MAGEB10: variants seen among roughly 807,000 people sequenced by gnomAD.
The protein encoded by MAGEB10 is MAGE family member B10, also known as melanoma-associated antigen B10.
For synonymous variants in MAGEB10, 99 were observed against 101.0 expected (o/e 0.98, Z 0.12); for missense variants, 190 against 261.9 (o/e 0.73, Z 1.89).
At chrX:27,819,534 G>A (rs1002387049) in intron 2 of MAGEB10, among the ~76,000 whole-genome samples, 5 of 111,290 alleles carry the variant, frequency 4.5e-5, no homozygotes, top group African/African-American at 1.6e-4. Context: ...AAGAGAGAAG[G>A]ACCAACAGAA....
At chrX:27,820,768 A>G (rs1043051433) in intron 2 of MAGEB10, among the ~76,000 whole-genome samples, 1 of 111,109 alleles carries the variant, frequency 9.0e-6, no homozygotes, top group African/African-American at 3.3e-5. Flanking sequence ...TGAGAACACT[A>G]AGGATCCCAG....
At chrX:27,813,469 C>CTGA (rs1923728566) in intron 1 of MAGEB10, among the ~76,000 whole-genome samples, 1 of 112,002 alleles carries the variant, frequency 8.9e-6, no homozygotes, top group Admixed American at 9.5e-5. Context: ...ACTTGGGCAT[C>CTGA]TGTTCTTTGG....
In MAGEB10 at chrX:27,822,357, A is replaced by G; in HGVS notation, c.*7A>G. On this transcript the variant is annotated 3_prime_UTR_variant, in exon 3 of 3. Coordinates refer to ENST00000356790, the MANE Select transcript of MAGEB10 (RefSeq NM_182506.3). ...GTCCTCCCAACTGCAGTAAAGTCTG[A>G]GGGAGATTCTTCATTTGTGTTTGAA... 8.4e-7 allele frequency: 1 copy of G among 1,190,455 alleles called. No homozygotes were observed.
intron 1 of MAGEB10, chrX:27,812,712 C>T (rs1399789212): frequency 2.5e-5 from 9 of 363,316 alleles, no homozygotes; most frequent in African/African-American, 5.1e-5. Context: ...GTGGCGTCCA[C>T]GAGCCTATGC....
chrX:27,810,252 G>T (rs905935685), intron 1 of MAGEB10, among the ~76,000 whole-genome samples: 1 of 111,709 alleles, frequency 9.0e-6, no homozygotes, highest in African/African-American at 3.3e-5. Flanking sequence ...AACACCACGA[G>T]CGAAGGTCTG....
At chrX:27,814,825 A>G (rs185232688) in intron 1 of MAGEB10, among the ~76,000 whole-genome samples, 66 of 112,103 alleles carry the variant, frequency 5.9e-4, no homozygotes, top group Non-Finnish European at 1.2e-3. Flanking sequence ...TTTAGAACCC[A>G]CACTGTTGCA....
chrX:27,813,144 G>A (rs1033645079), intron 1 of MAGEB10, among the ~76,000 whole-genome samples: 3 of 112,122 alleles, frequency 2.7e-5, no homozygotes, highest in Non-Finnish European at 3.8e-5. Flanking sequence ...AGGTTTTAGA[G>A]TAGAGTTTTA....
Position 27,821,697 on chromosome X carries a change from C to T in MAGEB10, c.391C>T (p.Pro131Ser), listed in dbSNP as rs773730069. The change falls in exon 3 of 3, where the codon CCC (proline) becomes TCC (serine). Residue 131 changes from proline (P) to serine (S), a missense_variant. Pro to Ser is a moderately conservative substitution (Grantham distance 74). Coordinates refer to ENST00000356790, the MANE Select transcript of MAGEB10 (RefSeq NM_182506.3). Reference protein sequence around the residue: ...YLLYKYQMKEPITKADMLRNV... With the variant: ...YLLYKYQMKESITKADMLRNV... ...GCTGTACAAGTACCAAATGAAAGAG[C>T]CCATTACAAAGGCAGATATGCTGAG... is the stretch of plus-strand genomic sequence containing the variant. 4.1e-6 allele frequency: 5 copies of T among 1,211,766 alleles called. No individual in the cohort carries two copies. Among genetic ancestry groups the T allele is most frequent in the East Asian group, 5.9e-5 (2 of 33,837 alleles).
In MAGEB10 at chrX:27,822,065, G is replaced by T. The variant is rs1923900110; in HGVS notation, c.759G>T (p.Val253=). 8.3e-7 allele frequency: 1 copy of T among 1,210,496 alleles called. No homozygotes were observed. The change falls in exon 3 of 3, where the codon GTG becomes GTT. Residue 253 remains valine, a synonymous_variant. Coordinates refer to ENST00000356790, the MANE Select transcript of MAGEB10 (RefSeq NM_182506.3). The part of the protein sequence containing the change: ...EPRKLLTKDL[V]KENYLEYQQV... ...GGAAGCTCCTTACCAAAGATTTGGT[G>T]AAAGAAAATTACCTGGAGTACCAGC...
rs753281599 is a variant in MAGEB10 at position 27,810,218 on chromosome X, G to A, written c.-199+2182G>A. ...AATCTTGCTGCTGCTCCCTCTTTGG[G>A]TCCACACTGCCTTTATGAGCTGTAA... On this transcript the variant is annotated intron_variant, in intron 1 of 2. Transcript: ENST00000356790. Among the ~76,000 whole-genome samples the A allele has an allele frequency of 1.6e-3, 182 of 111,426 alleles. 1 individual carries two copies. The highest frequency in any genetic ancestry group is 2.0e-3 in the Non-Finnish European group (107 of 53,049).
chrX:27,814,624 G>A (rs1223500273), intron 1 of MAGEB10, among the ~76,000 whole-genome samples: 1 of 111,698 alleles, frequency 9.0e-6, no homozygotes, highest in African/African-American at 3.3e-5. Context: ...ACAAACGCTA[G>A]TTATTAAATA....
chrX:27,812,985 G>C (rs926570730), intron 1 of MAGEB10: 5 of 151,743 alleles, frequency 3.3e-5, no homozygotes, highest in African/African-American at 1.5e-4. Context: ...CACTAGTGGA[G>C]GGTTGGCTGT....
At chrX:27,816,948 A>G (rs897624108) in intron 1 of MAGEB10, among the ~76,000 whole-genome samples, 16 of 109,711 alleles carry the variant, frequency 1.5e-4, no homozygotes, top group African/African-American at 5.3e-4. Flanking sequence ...GTCCACTTGT[A>G]GTTTGGAAAG....
chrX:27,808,424 G>A (rs1923588622), intron 1 of MAGEB10, among the ~76,000 whole-genome samples: 2 of 112,133 alleles, frequency 1.8e-5, no homozygotes, highest in Middle Eastern at 4.9e-3. Context: ...CCTTCGGTCC[G>A]TGGGCAGGAT....
intron 2 of MAGEB10, among the ~76,000 whole-genome samples, chrX:27,819,180 G>A (rs1206357933): frequency 9.0e-6 from 1 of 110,946 alleles, no homozygotes; most frequent in Non-Finnish European, 1.9e-5. Context: ...CGAAGGCTTT[G>A]TTTTAAAGCT....
intron 2 of MAGEB10, among the ~76,000 whole-genome samples, chrX:27,819,235 G>C (rs1365260089): frequency 9.1e-6 from 1 of 110,246 alleles, no homozygotes; most frequent in African/African-American, 3.3e-5. Flanking sequence ...GCCCCCCAGA[G>C]TCAATGAAAG....
At chrX:27,808,376 G>A (rs1215821399) in intron 1 of MAGEB10, among the ~76,000 whole-genome samples, 1 of 112,075 alleles carries the variant, frequency 8.9e-6, no homozygotes, top group South Asian at 3.7e-4. Flanking sequence ...CAAAGGGGGC[G>A]CCACAGAAAG....
rs754281513 is a variant in MAGEB10 at position 27,821,710 on chromosome X, C to T, written c.404C>T (p.Ala135Val). ...KYQMKEPITKADMLRNVTQMS... is the reference protein window; with the variant it reads ...KYQMKEPITKVDMLRNVTQMS... ...CAAATGAAAGAGCCCATTACAAAGG[C>T]AGATATGCTGAGAAATGTAACCCAA... The change falls in exon 3 of 3, where the codon GCA becomes GTA. Residue 135 changes from alanine to valine, a missense_variant. Physicochemically the swap from Ala to Val is moderately conservative, Grantham distance 64 (BLOSUM62 0). Transcript: ENST00000356790. The T allele has an allele frequency of 1.5e-5, 18 of 1,211,902 alleles. No individual in the cohort carries two copies. Among genetic ancestry groups the T allele is most frequent in the Non-Finnish European group, 2.0e-5 (18 of 895,617 alleles).
At chrX:27,819,620 C>T (rs1923845788) in intron 2 of MAGEB10, among the ~76,000 whole-genome samples, 1 of 111,179 alleles carries the variant, frequency 9.0e-6, no homozygotes, top group South Asian at 3.8e-4. Flanking sequence ...TCCCAGGATC[C>T]TGGGAGGTGA....
Sources: allele counts gnomAD v4.1 joint callset (sites outside exome capture counted in the v4.1 genomes callset), GRCh38; gene constraint gnomAD v4.1.1; transcripts MANE v1.5; gene names NCBI Gene and HGNC (gene_info 2026-07-23, HGNC 2026-07-21).